CNTN6: variants seen among roughly 807,000 people sequenced by gnomAD.
The protein encoded by CNTN6 is contactin-6.
CNTN6 carries 137 observed loss-of-function variants against 122.8 expected under a neutral mutation model. That is an observed-to-expected ratio of 1.12 (90% confidence interval 0.97 to 1.29). The LOEUF is 1.29. Ranked by LOEUF, CNTN6 falls within the 50% of genes most tolerant of loss-of-function variation. The pLI is 0.00. For synonymous variants in CNTN6, 570 were observed against 426.0 expected, an observed-to-expected ratio of 1.34 and a Z score of -4.16; for missense variants, 1,634 against 1,223.4, an observed-to-expected ratio of 1.34 and a Z score of -5.01.
chr3:1,351,691 A>G (rs1705664312), intron 11 of CNTN6, among the ~76,000 whole-genome samples: 2 of 151,714 alleles, frequency 1.3e-5, no homozygotes, highest in Non-Finnish European at 2.9e-5. Flanking sequence ...TCTCTCTTTT[A>G]GGAATATTAA....
chr3:1,398,482 T>C (rs1299021373), intron 20 of CNTN6, among the ~76,000 whole-genome samples: 3 of 152,176 alleles, frequency 2.0e-5, no homozygotes, highest in African/African-American at 7.2e-5. Context: ...AACTTGAATG[T>C]ACACTAATTG....
At chr3:1,200,873 C>G (rs909053366) in intron 2 of CNTN6, among the ~76,000 whole-genome samples, 10 of 151,960 alleles carry the variant, frequency 6.6e-5, no homozygotes, top group Admixed American at 2.6e-4. Flanking sequence ...AGGGCATATG[C>G]ATTTACTTAC....
At chr3:1,136,532 T>C (rs1457572388) in intron 1 of CNTN6, among the ~76,000 whole-genome samples, 1 of 152,176 alleles carries the variant, frequency 6.6e-6, no homozygotes, top group Non-Finnish European at 1.5e-5. Flanking sequence ...TTTTGCCTTA[T>C]TTAGCCTTGC....
In CNTN6 at chr3:1,220,720, A is replaced by G. The variant is rs1158478831; in HGVS notation, c.89A>G (p.Gln30Arg). 1.2e-6 allele frequency: 2 copies of G among 1,612,656 alleles called. No individual in the cohort carries two copies. Among genetic ancestry groups the G allele is most frequent in the Non-Finnish European group, 1.7e-6 (2 of 1,179,460 alleles). Residue 30 changes from glutamine to arginine, a missense_variant, in exon 3 of 23, where the codon CAG becomes CGG. Coordinates refer to ENST00000446702, the MANE Select transcript of CNTN6 (RefSeq NM_001289080.2). ...CTTTTAAGCCGTCCTATTTTTACTC[A>G]GGAGCCACATGATGTCATTTTTCCT... ...DGLLSRPIFT[Q>R]EPHDVIFPLD... is the part of the protein sequence containing the mutation.
intron 3 of CNTN6, among the ~76,000 whole-genome samples, chr3:1,221,438 A>C (rs2094206447): frequency 1.3e-5 from 2 of 152,198 alleles, no homozygotes; most frequent in African/African-American, 4.8e-5. Flanking sequence ...TCATCAGATA[A>C]AATTATGTGA....
intron 2 of CNTN6, among the ~76,000 whole-genome samples, chr3:1,212,459 GTATA>G (rs1048208646): frequency 6.7e-6 from 1 of 149,898 alleles, no homozygotes; most frequent in African/African-American, 2.5e-5. Context: ...ATATGTGTGT[GTATA>G]TATATACACA....
Position 1,387,642 on chromosome 3 carries a change from C to A in CNTN6, c.2704+1845C>A, listed in dbSNP as rs1693244644. On this transcript the variant is annotated intron_variant, in intron 20 of 22. Coordinates refer to ENST00000446702, the MANE Select transcript of CNTN6 (RefSeq NM_001289080.2). Reference sequence around the variant, plus strand: ...AGACGCGTGATTTCTGCATTTCCATCTGAGGTACCCGGTTCATCTCACTAG... The same window carrying A: ...AGACGCGTGATTTCTGCATTTCCATATGAGGTACCCGGTTCATCTCACTAG... 2.0e-5 allele frequency among the ~76,000 whole-genome samples: 3 copies of A among 152,302 alleles called. No homozygotes were observed. The South Asian group carries it at 6.2e-4, about 32-fold the overall frequency.
intron 12 of CNTN6, among the ~76,000 whole-genome samples, chr3:1,368,742 A>G (rs535872289): frequency 3.7e-4 from 57 of 152,336 alleles, no homozygotes; most frequent in African/African-American, 1.3e-3. Flanking sequence ...TTATGACACC[A>G]AAATCATGTA....
intron 2 of CNTN6, among the ~76,000 whole-genome samples, chr3:1,202,365 C>A (rs1443835121): frequency 4.6e-5 from 7 of 151,814 alleles, no homozygotes; most frequent in Admixed American, 4.6e-4. Flanking sequence ...ACGGTGAAAC[C>A]GCGTCTCTAC....
chr3:1,283,529 T>A (rs891909721), intron 5 of CNTN6, among the ~76,000 whole-genome samples: 1 of 152,110 alleles, frequency 6.6e-6, no homozygotes, highest in Non-Finnish European at 1.5e-5. Context: ...AAACAAGCAA[T>A]CAATAAACTT....
In CNTN6 at chr3:1,390,151, T is replaced by A. The variant is rs572900706; in HGVS notation, c.2704+4354T>A. Among the ~76,000 whole-genome samples, 814 of 151,976 alleles carry A rather than the reference T, an allele frequency of 5.4e-3. 9 individuals are homozygous for A. The highest frequency in any genetic ancestry group is 0.019 in the African/African-American group (779 of 41,374). On this transcript the variant is annotated intron_variant, in intron 20 of 22. Transcript: ENST00000446702. ...CACACCTATTCCAAAATTGACCACA[T>A]ACTTGGAAGTAAAGCTCTCCTCAGC...
At chr3:1,252,220 A>C (rs2094683393) in intron 4 of CNTN6, among the ~76,000 whole-genome samples, 1 of 152,150 alleles carries the variant, frequency 6.6e-6, no homozygotes, top group Non-Finnish European at 1.5e-5. Context: ...TCTCTGTTGA[A>C]ATTATCTCTT....
intron 4 of CNTN6, among the ~76,000 whole-genome samples, chr3:1,233,660 G>A (rs1482399216): frequency 4.7e-5 from 7 of 149,340 alleles, no homozygotes; most frequent in African/African-American, 7.4e-5. Flanking sequence ...GCGTGAACCC[G>A]GGAGGCAGAG....
intron 2 of CNTN6, among the ~76,000 whole-genome samples, chr3:1,160,344 G>T (rs1216752787): frequency 9.0e-6 from 1 of 111,132 alleles, no homozygotes; most frequent in African/African-American, 3.6e-5. Context: ...TACTTTTACT[G>T]TATATATATA....
chr3:1,250,376 A>G (rs745532584), intron 4 of CNTN6, among the ~76,000 whole-genome samples: 6 of 152,094 alleles, frequency 3.9e-5, no homozygotes, highest in Non-Finnish European at 7.4e-5. Flanking sequence ...TTCTTTCCAT[A>G]GTTAACAGGG....
At chr3:1,341,511 A>C (rs1703886749) in intron 11 of CNTN6, among the ~76,000 whole-genome samples, 1 of 152,180 alleles carries the variant, frequency 6.6e-6, no homozygotes, top group East Asian at 1.9e-4. Flanking sequence ...TATGGGAGTC[A>C]GCATAGCAGC....
intron 21 of CNTN6, among the ~76,000 whole-genome samples, 178 bp downstream of exon 21, chr3:1,401,723 G>C (rs1003065932): frequency 2.0e-5 from 3 of 151,894 alleles, no homozygotes; most frequent in Admixed American, 2.0e-4. Flanking sequence ...TACATTCCAA[G>C]GTCCAGTAAT....
At chr3:1,289,800 C>G (rs1220249902) in intron 5 of CNTN6, among the ~76,000 whole-genome samples, 1 of 151,794 alleles carries the variant, frequency 6.6e-6, no homozygotes, top group Non-Finnish European at 1.5e-5. Flanking sequence ...TCAGTCTCCC[C>G]AGCAGCTGGG....
At chr3:1,323,352 T>G (rs1291737760) in intron 8 of CNTN6, among the ~76,000 whole-genome samples, 2 of 151,810 alleles carry the variant, frequency 1.3e-5, no homozygotes, top group Non-Finnish European at 2.9e-5. Flanking sequence ...TTCAACATGG[T>G]GGTCTAAGCT....
Sources: allele counts gnomAD v4.1 joint callset (sites outside exome capture counted in the v4.1 genomes callset), GRCh38; gene constraint gnomAD v4.1.1; transcripts MANE v1.5; gene names NCBI Gene and HGNC (gene_info 2026-07-23, HGNC 2026-07-21).